The following DPP10 variants were observed in gnomAD, a reference collection of about 807,000 sequenced individuals.
DPP10 encodes inactive dipeptidyl peptidase 10.
DPP10 carries 33 observed loss-of-function variants against 120.9 expected under a neutral mutation model. The ratio of observed to expected loss-of-function variants is 0.27; its 90% CI spans 0.21 to 0.37. The LOEUF (loss-of-function observed/expected upper bound fraction) is 0.37, where lower values mean the gene tolerates loss of function less well. DPP10 is among the 10% of genes least tolerant of loss of function. The pLI is 1.00. For synonymous variants in DPP10, 337 were observed against 326.1 expected (o/e 1.03, Z -0.36); for missense variants, 816 against 942.8 (o/e 0.87, Z 1.76).
intron 5 of DPP10, among the ~76,000 whole-genome samples, chr2:115,601,234 C>T (rs1575300458): frequency 1.3e-5 from 2 of 152,224 alleles, no homozygotes; most frequent in East Asian, 1.9e-4. Context: ...TTTAAGTAAG[C>T]GTGATGAATC....
At chr2:115,383,398 C>T (rs1200413149) in intron 3 of DPP10, among the ~76,000 whole-genome samples, 2 of 152,214 alleles carry the variant, frequency 1.3e-5, no homozygotes, top group African/African-American at 4.8e-5. Flanking sequence ...GAGTCCTCCC[C>T]AGCCATGTGG....
intron 1 of DPP10, among the ~76,000 whole-genome samples, chr2:114,823,926 G>T (rs1686312778): frequency 6.6e-6 from 1 of 152,172 alleles, no homozygotes. Flanking sequence ...TCAGAGCAGG[G>T]CAAGGATGGA....
At chr2:114,821,856 G>T (rs1031099699) in intron 1 of DPP10, among the ~76,000 whole-genome samples, 3 of 152,114 alleles carry the variant, frequency 2.0e-5, no homozygotes, top group Admixed American at 2.0e-4. Flanking sequence ...TAAGAAGTTG[G>T]CTCCCACAGC....
At chr2:115,370,546 T>C (rs554271164) in intron 3 of DPP10, among the ~76,000 whole-genome samples, 1 of 152,134 alleles carries the variant, frequency 6.6e-6, no homozygotes, top group Non-Finnish European at 1.5e-5. Context: ...AAATAAACAA[T>C]GGAAAGTTAC....
In DPP10 at chr2:115,835,438, G is replaced by C. The variant is rs569587779; in HGVS notation, c.1951-719G>C. Among the ~76,000 whole-genome samples, 832 of 152,166 alleles carry C rather than the reference G, an allele frequency of 5.5e-3. 10 individuals carry two copies. Among genetic ancestry groups the C allele is most frequent in the African/African-American group, 0.019 (802 of 41,530 alleles). ...GTAGTTATTCTTCTCTTCCTGGTGC[G>C]GAAAGAGAGGGAGAGAAAGAGAGAG... is the stretch of plus-strand genomic sequence containing the variant. On this transcript the variant is annotated intron_variant, in intron 21 of 25. Coordinates refer to ENST00000410059, the MANE Select transcript of DPP10 (RefSeq NM_020868.6).
chr2:114,688,940 GTGTCTGTGTC>G (rs1393395051), intron 1 of DPP10, among the ~76,000 whole-genome samples: 1 of 151,900 alleles, frequency 6.6e-6, no homozygotes. Flanking sequence ...GTATGTGTGT[GTGTCTGTGTC>G]TGTCTGTGTC....
At chr2:114,999,638 C>T (rs941115512) in intron 1 of DPP10, among the ~76,000 whole-genome samples, 2 of 152,128 alleles carry the variant, frequency 1.3e-5, no homozygotes, top group Non-Finnish European at 2.9e-5. Context: ...ACTTTGTATG[C>T]CCTGCCATCT....
rs551986853 is a variant in DPP10 at position 115,396,913 on chromosome 2, T to C, written c.271+53001T>C. On this transcript the variant is annotated intron_variant, in intron 3 of 25. Coordinates refer to ENST00000410059, the MANE Select transcript of DPP10 (RefSeq NM_020868.6). Reference sequence around the variant, plus strand: ...ATGTGAAAAATCTCCTATCTCCTTATTTGAGGAAAGATGCTCCTGTCACGC... The same window carrying C: ...ATGTGAAAAATCTCCTATCTCCTTACTTGAGGAAAGATGCTCCTGTCACGC... 2.0e-5 allele frequency among the ~76,000 whole-genome samples: 3 copies of C among 152,200 alleles called. No individual in the cohort carries two copies. In the East Asian group the frequency reaches 5.8e-4, roughly 29 times the overall value.
chr2:115,074,141 C>T (rs72949799), intron 1 of DPP10, among the ~76,000 whole-genome samples: 24,636 of 151,930 alleles, frequency 0.16, 2,278 homozygotes, highest in African/African-American at 0.27. Flanking sequence ...CTTCCCTAGT[C>T]GCTTGGACTA....
At chr2:114,583,450 AT>A (rs1199728850) in intron 1 of DPP10, among the ~76,000 whole-genome samples, 3 of 152,230 alleles carry the variant, frequency 2.0e-5, no homozygotes, top group East Asian at 3.9e-4. Context: ...TAAACAAAGG[AT>A]CATAGATTTC....
intron 1 of DPP10, among the ~76,000 whole-genome samples, chr2:115,218,295 A>G (rs1266561316): frequency 6.6e-6 from 1 of 152,172 alleles, no homozygotes; most frequent in African/African-American, 2.4e-5. Flanking sequence ...AAGGAAAGAA[A>G]CAACGATTTG....
intron 1 of DPP10, among the ~76,000 whole-genome samples, chr2:115,239,627 A>G (rs1248634437): frequency 6.6e-6 from 1 of 152,176 alleles, no homozygotes; most frequent in East Asian, 1.9e-4. Flanking sequence ...TTATACTTTA[A>G]GTTCTGGGAT....
At chr2:115,138,038 A>G (rs1337599083) in intron 1 of DPP10, among the ~76,000 whole-genome samples, 2 of 152,226 alleles carry the variant, frequency 1.3e-5, no homozygotes, top group Non-Finnish European at 2.9e-5. Context: ...ATAACACTGT[A>G]TTAAGATGAA....
intron 1 of DPP10, among the ~76,000 whole-genome samples, chr2:114,611,248 T>C (rs17782936): frequency 0.096 from 14,572 of 152,232 alleles, 785 homozygotes; most frequent in Middle Eastern, 0.16. Flanking sequence ...ATTTTCGTTT[T>C]ACTATAAAAA....
intron 1 of DPP10, among the ~76,000 whole-genome samples, chr2:114,499,862 A>T (rs2104505243): frequency 6.6e-6 from 1 of 152,324 alleles, no homozygotes; most frequent in African/African-American, 2.4e-5. Flanking sequence ...ATGAGGCCCA[A>T]CATGAACCAA....
chr2:115,503,110 A>G (rs2076769882), intron 4 of DPP10, among the ~76,000 whole-genome samples: 1 of 152,102 alleles, frequency 6.6e-6, no homozygotes. Flanking sequence ...ACATTCTACT[A>G]AAAAAGTAGC....
intron 1 of DPP10, among the ~76,000 whole-genome samples, chr2:114,646,910 A>G (rs534205098): frequency 1.8e-4 from 28 of 152,330 alleles, no homozygotes; most frequent in Admixed American, 4.6e-4. Context: ...CACTAGGAGT[A>G]GTGAATGCCT....
chr2:115,389,134 T>C (rs1431271452), intron 3 of DPP10, among the ~76,000 whole-genome samples: 1 of 152,206 alleles, frequency 6.6e-6, no homozygotes, highest in East Asian at 1.9e-4. Flanking sequence ...GTAAAGAATG[T>C]ATTCTATGAT....
At position 114,932,933 on chromosome 2, in the gene DPP10, T is replaced by C. The variant is rs116640898; in HGVS notation, c.61-376306T>C. On this transcript the variant is annotated intron_variant, in intron 1 of 25. Transcript: ENST00000410059. ...TCACCTAACCCGGGGCAATCATTTG[T>C]GTGGCCTTATCTATCTTTAAGTGGG... is the stretch of plus-strand genomic sequence containing the variant. Among the ~76,000 whole-genome samples the C allele has an allele frequency of 9.6e-3, 1,457 of 152,278 alleles. 28 individuals carry two copies. The highest frequency in any genetic ancestry group is 0.033 in the African/African-American group (1,387 of 41,550).
Sources: gnomAD v4.1 joint callset for allele counts (sites outside exome capture counted in the v4.1 genomes callset) on GRCh38, gnomAD v4.1.1 for gene constraint, MANE v1.5 for transcripts, NCBI Gene and HGNC (gene_info 2026-07-23, HGNC 2026-07-21) for gene names.